The following DDX25 variants were observed in gnomAD, a reference collection of about 807,000 sequenced individuals.
The protein encoded by DDX25 is ATP-dependent RNA helicase DDX25.
Under a neutral mutation model 64.6 loss-of-function variants are expected in DDX25, and 70 were observed. That is an observed-to-expected ratio of 1.08 (90% confidence interval 0.89 to 1.32). The LOEUF (loss-of-function observed/expected upper bound fraction) is 1.32, where lower values mean the gene tolerates loss of function less well. Among genes scored for constraint, DDX25 ranks in the 40% most tolerant of loss-of-function variants. DDX25 has a pLI of 0.00. For missense variants in DDX25, 587 were observed against 604.4 expected, an observed-to-expected ratio of 0.97 and a Z score of 0.30; for synonymous variants, 211 against 213.3, an observed-to-expected ratio of 0.99 and a Z score of 0.09.
intron 11 of DDX25, 24 bp from the exon 12 acceptor site, chr11:125,922,796 T>C (rs1945130675): frequency 6.3e-7 from 1 of 1,593,784 alleles, no homozygotes; most frequent in South Asian, 1.1e-5. Context: ...ATGAGACTAG[T>C]TCTGTTCTCT....
intron 1 of DDX25, 101 bp from the exon 2 acceptor site, chr11:125,905,111 G>C (rs188458320): frequency 8.6e-6 from 9 of 1,046,300 alleles, no homozygotes; most frequent in Middle Eastern, 2.1e-4. Flanking sequence ...CAATACCCGG[G>C]TGTCCTTCCC....
At chr11:125,918,338 TATC>T (rs2134282985) in intron 9 of DDX25, among the ~76,000 whole-genome samples, 1 of 152,348 alleles carries the variant, frequency 6.6e-6, no homozygotes, top group East Asian at 1.9e-4. Flanking sequence ...TGTTACATGA[TATC>T]ATTTTGTCAT....
In DDX25 at chr11:125,904,886, C is replaced by G. The variant is rs1944859890; in HGVS notation, c.63+306C>G. The stretch of plus-strand genomic sequence containing the variant: ...TACTCTGCCCATTTGCCCATTAAGC[C>G]TCACCTCGCTTCCATCCATTTGCCA... On this transcript the variant is annotated intron_variant, in intron 1 of 11. Transcript: ENST00000263576. The G allele has an allele frequency of 1.4e-5, 8 of 555,872 alleles. No homozygotes were observed. In the East Asian group the frequency reaches 2.5e-4, roughly 17 times the overall value. The allele number at this position is 555,872 out of a possible 1,614,324, so 34.4% of individuals were successfully genotyped here.
chr11:125,920,159 G>A (rs1179651099), intron 10 of DDX25, among the ~76,000 whole-genome samples: 3 of 152,114 alleles, frequency 2.0e-5, no homozygotes, highest in Non-Finnish European at 2.9e-5. Flanking sequence ...TTGCAGGGGC[G>A]GGTGCGGTGG....
At chr11:125,909,127 A>C (rs542650600) in intron 6 of DDX25, among the ~76,000 whole-genome samples, 2 of 152,096 alleles carry the variant, frequency 1.3e-5, no homozygotes, top group South Asian at 2.1e-4. Flanking sequence ...TGTAGTTTCC[A>C]CTCATGAAAA....
At chr11:125,914,346 G>A (rs1565465915) in intron 8 of DDX25, among the ~76,000 whole-genome samples, 1 of 152,178 alleles carries the variant, frequency 6.6e-6, no homozygotes, top group Non-Finnish European at 1.5e-5. Flanking sequence ...TCTTTTCTGG[G>A]GGATAGACCC....
chr11:125,920,039 A>C (rs981780774), intron 10 of DDX25, among the ~76,000 whole-genome samples: 1 of 152,164 alleles, frequency 6.6e-6, no homozygotes, highest in Non-Finnish European at 1.5e-5. Flanking sequence ...GCACAGTACA[A>C]GGAGTGCAAG....
At chr11:125,905,299 G>A (rs1944868176) in intron 2 of DDX25, 21 bp downstream of exon 2, 2 of 1,551,064 alleles carry the variant, frequency 1.3e-6, no homozygotes, top group African/African-American at 2.7e-5. Flanking sequence ...TTAGGGCAAA[G>A]CAGAGCGACC....
Position 125,918,624 on chromosome 11 carries a change from A to G in DDX25, c.1039-4A>G, listed in dbSNP as rs1473085921. The G allele has an allele frequency of 6.2e-7, 1 of 1,611,866 alleles. No individual in the cohort carries two copies. Among genetic ancestry groups the G allele is most frequent in the Non-Finnish European group, 8.5e-7 (1 of 1,178,664 alleles). The stretch of plus-strand genomic sequence containing the variant: ...GCTGTGTTGGGTTTTGCCTTTTTAC[A>G]TAGACTCGTCGAAACGCTAAGTGGT... On this transcript the variant is annotated splice_region_variant and splice_polypyrimidine_tract_variant and intron_variant, in intron 9 of 11. Coordinates refer to ENST00000263576, the MANE Select transcript of DDX25 (RefSeq NM_013264.5).
rs1357746720 is a variant in DDX25 at position 125,921,190 on chromosome 11, G to C, written c.1202-1G>C. The C allele has an allele frequency of 2.5e-6, 4 of 1,608,900 alleles. No homozygotes were observed. In the Admixed American group the frequency reaches 5.0e-5, roughly 20 times the overall value. On this transcript the variant is annotated splice_acceptor_variant, in intron 10 of 11. Coordinates refer to ENST00000263576, the MANE Select transcript of DDX25 (RefSeq NM_013264.5). LOFTEE classifies it high-confidence loss of function. This position sits in a 1 kb window ranked among gnomAD's most constrained non-coding sequence, Gnocchi z 4.1. ...ACCCTACAGTGTTTTTCCTCTTCTA[G>C]GGATTGATGTGAAGCAGGTCACAAT...
chr11:125,910,942 C>T (rs1364963408), intron 7 of DDX25, among the ~76,000 whole-genome samples: 1 of 150,714 alleles, frequency 6.6e-6, no homozygotes, highest in Non-Finnish European at 1.5e-5. Context: ...CTCATACATG[C>T]ACATACAAAT....
At position 125,908,205 on chromosome 11, in the gene DDX25, GT is replaced by G; in HGVS notation, c.323del (p.Leu108TyrfsTer2). The stretch of plus-strand genomic sequence containing the variant: ...TTTTTTTTTTTGACAGAAAGGAAGA[GT>G]TACTAAAAGGAATCTATGCAATGGG... ...TFEELRLKEELLKGIYAMGFN... is the reference protein window; with the variant it reads ...TFEELRLKEEXLKGIYAMGFN... On this transcript the variant is annotated frameshift_variant, in exon 5 of 12. Coordinates refer to ENST00000263576, the MANE Select transcript of DDX25 (RefSeq NM_013264.5). LOFTEE classifies it high-confidence loss of function. 1 of 1,603,278 alleles carries G rather than the reference GT, an allele frequency of 6.2e-7. No individual in the cohort carries two copies.
chr11:125,907,983 A>G (rs1162534106), intron 4 of DDX25, among the ~76,000 whole-genome samples: 1 of 152,192 alleles, frequency 6.6e-6, no homozygotes, highest in Non-Finnish European at 1.5e-5. Flanking sequence ...TCCTTCGCCT[A>G]GGCTTATGGC....
intron 8 of DDX25, 21 bp from the exon 9 acceptor site, chr11:125,916,993 G>C: frequency 6.4e-7 from 1 of 1,565,818 alleles, no homozygotes; most frequent in African/African-American, 1.3e-5. Context: ...CTTGGTGACA[G>C]CCTTCTCTCC....
At chr11:125,920,898 C>CCT (rs1160123412) in intron 10 of DDX25, 60 of 264,616 alleles carry the variant, frequency 2.3e-4, no homozygotes, top group African/African-American at 1.3e-3. Context: ...GGTGAGGGCA[C>CCT]CTCTCCACCA....
chr11:125,920,061 G>A (rs1490421805), intron 10 of DDX25, among the ~76,000 whole-genome samples: 7 of 152,300 alleles, frequency 4.6e-5, no homozygotes, highest in East Asian at 3.9e-4. Flanking sequence ...ATCCTGACCC[G>A]GACAGCTTGT....
rs1298205394 is a variant in DDX25 at position 125,923,241 on chromosome 11, T to G, written c.*360T>G. On this transcript the variant is annotated 3_prime_UTR_variant, in exon 12 of 12. Transcript: ENST00000263576. Reference sequence around the variant, plus strand: ...AGAGGGCGGTAGAGCTTCGCTGATTTTGGAAGCGGAGCGAGTAGGAAAAAG... The same window carrying G: ...AGAGGGCGGTAGAGCTTCGCTGATTGTGGAAGCGGAGCGAGTAGGAAAAAG... 28 of 182,078 alleles carry G rather than the reference T, an allele frequency of 1.5e-4. No homozygotes were observed. The highest frequency in any genetic ancestry group is 4.6e-5 in the Non-Finnish European group (4 of 87,772). 11.3% of individuals were successfully genotyped at this position (182,078 alleles called of 1,614,324 possible). A position where few individuals can be genotyped will look rare whatever the true frequency, so the allele number is the denominator to read the frequency against.
chr11:125,908,430 C>T lies in DDX25; in HGVS notation c.434C>T (p.Ser145Phe). 6.2e-7 allele frequency: 1 copy of T among 1,613,958 alleles called. No individual in the cohort carries two copies. Among genetic ancestry groups the T allele is most frequent in the South Asian group, 1.1e-5 (1 of 91,082 alleles). Residue 145 changes from serine (S) to phenylalanine (F), a missense_variant, in exon 6 of 12, where the codon TCT becomes TTT. Coordinates refer to ENST00000263576, the MANE Select transcript of DDX25 (RefSeq NM_013264.5). ...CAGAACCTCATAGCACAGAGCCAGTCTGGAACAGGAAAGACAGCGGCATTT... is the reference window on the plus strand; with the variant it reads ...CAGAACCTCATAGCACAGAGCCAGTTTGGAACAGGAAAGACAGCGGCATTT... ...PPQNLIAQSQSGTGKTAAFVL... is the reference protein window; with the variant it reads ...PPQNLIAQSQFGTGKTAAFVL...
chr11:125,905,363 A>G, intron 2 of DDX25, 85 bp downstream of exon 2: 1 of 1,455,806 alleles, frequency 6.9e-7, no homozygotes, highest in South Asian at 1.2e-5. Flanking sequence ...CAAGTGAAAC[A>G]CCGCGGATTC....
Sources: gnomAD v4.1 joint callset for allele counts (sites outside exome capture counted in the v4.1 genomes callset) on GRCh38, gnomAD v4.1.1 for gene constraint, Gnocchi (gnomAD v3.1) non-coding constraint, MANE v1.5 for transcripts, NCBI Gene and HGNC (gene_info 2026-07-23, HGNC 2026-07-21) for gene names.